The following FABP7 variants were observed in gnomAD, a reference collection of about 807,000 sequenced individuals.
FABP7 encodes the protein fatty acid-binding protein, brain.
A neutral mutation model predicts 14.2 loss-of-function variants in FABP7; 13 were observed. That is an observed-to-expected ratio of 0.91 (90% CI 0.59 to 1.45). The LOEUF is 1.45. FABP7 is among the 40% of genes most tolerant of loss of function. The pLI is 0.00. For missense variants in FABP7, 149 were observed against 157.6 expected (o/e 0.95, Z 0.29); for synonymous variants, 49 against 51.4 (o/e 0.95, Z 0.20).
chr6:122,757,672 A>G, the FABP7 span, among the ~76,000 whole-genome samples: 133 of 152,088 alleles, frequency 8.7e-4, no homozygotes, highest in African/African-American at 2.7e-3. Flanking sequence ...AAGACAAAGA[A>G]ATACGTTACT....
At chr6:122,754,720 C>T in the FABP7 span, among the ~76,000 whole-genome samples, 1 of 150,886 alleles carries the variant, frequency 6.6e-6, no homozygotes, top group African/African-American at 2.4e-5. Flanking sequence ...TAAGACTATC[C>T]TCTTTTCCGT....
the FABP7 span, among the ~76,000 whole-genome samples, chr6:122,762,045 C>G: frequency 6.6e-6 from 1 of 152,134 alleles, no homozygotes; most frequent in East Asian, 1.9e-4. Context: ...TTTTATGAGG[C>G]CAGCGTCATC....
the FABP7 span, among the ~76,000 whole-genome samples, chr6:122,772,995 A>G: frequency 5.3e-5 from 8 of 152,080 alleles, no homozygotes; most frequent in African/African-American, 1.9e-4. Context: ...CAGCAAAACC[A>G]GTTTGTCTGA....
the FABP7 span, among the ~76,000 whole-genome samples, chr6:122,765,009 G>A: frequency 6.6e-6 from 1 of 152,150 alleles, no homozygotes; most frequent in African/African-American, 2.4e-5. Context: ...CTGCAGATAA[G>A]TAACATGAAA....
At chr6:122,763,718 C>T in the FABP7 span, among the ~76,000 whole-genome samples, 1 of 152,118 alleles carries the variant, frequency 6.6e-6, no homozygotes, top group East Asian at 1.9e-4. Flanking sequence ...ACCCCATCAA[C>T]AAGTGGGTGA....
the FABP7 span, among the ~76,000 whole-genome samples, chr6:122,773,263 A>G: frequency 6.6e-6 from 1 of 152,186 alleles, no homozygotes; most frequent in Non-Finnish European, 1.5e-5. Flanking sequence ...ATCATTTATC[A>G]TGACCTAAGT....
the FABP7 span, among the ~76,000 whole-genome samples, chr6:122,765,478 C>T: frequency 2.0e-5 from 3 of 151,816 alleles, no homozygotes; most frequent in Non-Finnish European, 4.4e-5. Context: ...TTGTTTATTG[C>T]ATATATTTTA....
chr6:122,760,307 G>T, the FABP7 span, among the ~76,000 whole-genome samples: 11 of 151,942 alleles, frequency 7.2e-5, no homozygotes, highest in African/African-American at 2.4e-4. Context: ...GTTCCTCTTT[G>T]TCCCCAGTGA....
At chr6:122,760,591 G>A in the FABP7 span, among the ~76,000 whole-genome samples, 2 of 149,764 alleles carry the variant, frequency 1.3e-5, no homozygotes, top group South Asian at 4.2e-4. Context: ...ATTTTCTTTA[G>A]CATAGTAATT....
chr6:122,775,003 GA>G (rs143118561), upstream of FABP7, among the ~76,000 whole-genome samples: 15 of 150,750 alleles, frequency 1.0e-4, no homozygotes, highest in African/African-American at 1.5e-4. Context: ...GAAATAAAAT[GA>G]AAAAAAACAC....
the FABP7 span, among the ~76,000 whole-genome samples, chr6:122,771,370 G>T: frequency 2.0e-5 from 3 of 152,142 alleles, no homozygotes; most frequent in Admixed American, 2.0e-4. Flanking sequence ...ACTGATCCCA[G>T]ATTAGTAACT....
the FABP7 span, among the ~76,000 whole-genome samples, chr6:122,767,376 T>C: frequency 6.6e-6 from 1 of 152,032 alleles, no homozygotes; most frequent in East Asian, 1.9e-4. Context: ...AGCTTAGCAA[T>C]GTTAGAAGGT....
upstream of FABP7, among the ~76,000 whole-genome samples, chr6:122,776,773 T>C (rs145358641): frequency 4.2e-3 from 642 of 152,358 alleles, 8 homozygotes; most frequent in South Asian, 0.022. Context: ...AAATATCGTA[T>C]GTACCTGATA....
At chr6:122,774,281 G>C in the FABP7 span, among the ~76,000 whole-genome samples, 1 of 142,710 alleles carries the variant, frequency 7.0e-6, no homozygotes. Flanking sequence ...AGAATTGCTT[G>C]AACCTGAAAG....
At chr6:122,757,141 A>G in the FABP7 span, among the ~76,000 whole-genome samples, 5 of 152,268 alleles carry the variant, frequency 3.3e-5, no homozygotes, top group Admixed American at 2.0e-4. Flanking sequence ...AGACTGCTAT[A>G]TTCAAAAGTC....
the FABP7 span, among the ~76,000 whole-genome samples, chr6:122,771,012 C>T: frequency 6.6e-6 from 1 of 152,166 alleles, no homozygotes; most frequent in Non-Finnish European, 1.5e-5. Flanking sequence ...AGTGGTGAGA[C>T]AGAATGCACA....
upstream of FABP7, among the ~76,000 whole-genome samples, chr6:122,777,334 T>G (rs1780691355): frequency 6.6e-6 from 1 of 152,132 alleles, no homozygotes; most frequent in African/African-American, 2.4e-5. Flanking sequence ...AGCTGTAAAC[T>G]GGAAATAAAA....
At chr6:122,754,372 C>T in the FABP7 span, among the ~76,000 whole-genome samples, 2 of 152,150 alleles carry the variant, frequency 1.3e-5, no homozygotes, top group Non-Finnish European at 2.9e-5. Context: ...TCCACGTGCT[C>T]TGCCTTCCTC....
chr6:122,759,799 A>G, the FABP7 span, among the ~76,000 whole-genome samples: 7 of 152,020 alleles, frequency 4.6e-5, no homozygotes, highest in African/African-American at 1.7e-4. Flanking sequence ...TGGAAATGCC[A>G]TTTTTTCTTT....
Sources: allele counts gnomAD v4.1 joint callset (sites outside exome capture counted in the v4.1 genomes callset), GRCh38; gene constraint gnomAD v4.1.1; transcripts MANE v1.5; gene names NCBI Gene and HGNC (gene_info 2026-07-23, HGNC 2026-07-21).